Variants in PKHD1 observed in about 807,000 individuals in gnomAD.
PKHD1 encodes PKHD1 ciliary IPT domain containing fibrocystin/polyductin.
A neutral mutation model predicts 412.0 loss-of-function variants in PKHD1; 291 were observed. That is an observed-to-expected ratio of 0.71 (90% CI 0.64 to 0.78). The LOEUF (loss-of-function observed/expected upper bound fraction) is 0.78. PKHD1 is among the 30% of genes least tolerant of loss of function. The pLI, the probability that PKHD1 is intolerant of heterozygous loss-of-function variation, is 0.00. For synonymous variants in PKHD1, 1,777 were observed against 1,821.5 expected (o/e 0.98, Z 0.62); for missense variants, 4,825 against 4,950.7 (o/e 0.97, Z 0.76).
intron 35 of PKHD1, among the ~76,000 whole-genome samples, chr6:51,972,445 T>C (rs1047860223): frequency 6.6e-6 from 1 of 152,222 alleles, no homozygotes; most frequent in African/African-American, 2.4e-5. Context: ...ACCACAAAAT[T>C]ATCAATTGTA....
At chr6:51,662,247 G>T (rs1406962158) in intron 60 of PKHD1, among the ~76,000 whole-genome samples, 1 of 151,640 alleles carries the variant, frequency 6.6e-6, no homozygotes, top group Admixed American at 6.6e-5. Flanking sequence ...TTTGAAAAAA[G>T]ATACAATGGA....
At chr6:51,872,899 TCAGAAA>T (rs1776221322) in intron 46 of PKHD1, among the ~76,000 whole-genome samples, 1 of 91,318 alleles carries the variant, frequency 1.1e-5, no homozygotes, top group African/African-American at 4.3e-5. Flanking sequence ...TTTTTTTTTT[TCAGAAA>T]GTTACCTTAG....
At chr6:51,851,336 A>G (rs576108978) in intron 49 of PKHD1, among the ~76,000 whole-genome samples, 1 of 152,338 alleles carries the variant, frequency 6.6e-6, no homozygotes, top group Admixed American at 6.5e-5. Context: ...GATGTTCATC[A>G]GGGATATTGG....
chr6:52,062,032 C>G (rs966173649), intron 14 of PKHD1, among the ~76,000 whole-genome samples: 34 of 152,192 alleles, frequency 2.2e-4, no homozygotes, highest in African/African-American at 8.2e-4. Context: ...CAATGTCTCA[C>G]AGAACCCGCA....
chr6:51,904,303 T>G (rs1361447246), intron 41 of PKHD1, among the ~76,000 whole-genome samples: 1 of 152,190 alleles, frequency 6.6e-6, no homozygotes, highest in Non-Finnish European at 1.5e-5. Flanking sequence ...ATCTCCACTG[T>G]TAAGTGCCAC....
intron 52 of PKHD1, among the ~76,000 whole-genome samples, chr6:51,810,275 T>C (rs1220451862): frequency 2.0e-5 from 3 of 152,096 alleles, no homozygotes; most frequent in East Asian, 1.9e-4. Flanking sequence ...GAGTTTAACA[T>C]ACTGTAATTG....
intron 52 of PKHD1, among the ~76,000 whole-genome samples, chr6:51,804,170 G>A (rs937466863): frequency 2.6e-5 from 4 of 151,196 alleles, no homozygotes; most frequent in African/African-American, 9.9e-5. Flanking sequence ...ATCCATCTCT[G>A]ATAAACTACT....
intron 60 of PKHD1, among the ~76,000 whole-genome samples, chr6:51,742,243 C>A (rs149847134): frequency 6.6e-6 from 1 of 152,140 alleles, no homozygotes; most frequent in Non-Finnish European, 1.5e-5. Context: ...CACATTAAAA[C>A]GAACATTTAT....
chr6:51,817,931 A>C (rs1357688211), intron 52 of PKHD1, among the ~76,000 whole-genome samples: 1 of 152,166 alleles, frequency 6.6e-6, no homozygotes, highest in East Asian at 1.9e-4. Context: ...CTCTCCACAC[A>C]CTACTGCTGC....
At chr6:51,621,757 GT>G (rs1766652303) in intron 66 of PKHD1, 1 of 152,166 alleles carries the variant, frequency 6.6e-6, no homozygotes, top group Non-Finnish European at 1.5e-5. Context: ...ACAGAACTAA[GT>G]CAGCACACAT....
In PKHD1 at chr6:51,747,948, G is replaced by A. The variant is rs756332181; in HGVS notation, c.9668C>T (p.Ser3223Leu). Residue 3223 changes from serine (S) to leucine (L), a missense_variant, in exon 58 of 67, where the codon TCA becomes TTA. By Grantham distance (145) the Ser-to-Leu change is moderately radical (BLOSUM62 -2). Coordinates refer to ENST00000371117, the MANE Select transcript of PKHD1 (RefSeq NM_138694.4). Reference sequence around the variant, plus strand: ...TCTATCTGTTGATGTCAAGTTGGCTGAGTGCGGCTTCACTTTGTCCTGAAT... The same window carrying A: ...TCTATCTGTTGATGTCAAGTTGGCTAAGTGCGGCTTCACTTTGTCCTGAAT... ...DCIQDKVKPH[S>L]ANLTSTDRAP... 34 of 1,614,072 alleles carry A rather than the reference G, an allele frequency of 2.1e-5. No individual in the cohort carries two copies. The highest frequency in any genetic ancestry group is 3.3e-4 in the Middle Eastern group (2 of 6,058).
intron 57 of PKHD1, among the ~76,000 whole-genome samples, chr6:51,749,448 A>G (rs927688395): frequency 7.2e-5 from 11 of 152,212 alleles, no homozygotes; most frequent in Admixed American, 2.6e-4. Flanking sequence ...AGTTGATTTA[A>G]AAATACAATG....
In PKHD1 at chr6:51,885,968, C is replaced by A. The variant is rs995289279; in HGVS notation, c.7114G>T (p.Gly2372Cys). 4.5e-6 allele frequency: 7 copies of A among 1,570,616 alleles called. No homozygotes were observed. The highest frequency in any genetic ancestry group is 4.4e-6 in the Non-Finnish European group (5 of 1,140,450). The change falls in exon 45 of 67, where the codon GGT (glycine) becomes TGT (cysteine). Residue 2372 changes from glycine to cysteine, a missense_variant. Coordinates refer to ENST00000371117, the MANE Select transcript of PKHD1 (RefSeq NM_138694.4). ...QNIAHSCTRYGLFVYPKFQPP... is the reference protein window; with the variant it reads ...QNIAHSCTRYCLFVYPKFQPP... Reference sequence around the variant, plus strand: ...TGAAATTTAGGGTATACAAAGAGACCATACCTAAAAAGTGAAACAGAATGA... The same window carrying A: ...TGAAATTTAGGGTATACAAAGAGACAATACCTAAAAAGTGAAACAGAATGA...
intron 60 of PKHD1, 122 bp downstream of exon 60, chr6:51,744,263 G>T: frequency 1.2e-6 from 1 of 860,800 alleles, no homozygotes; most frequent in Non-Finnish European, 2.0e-6. Flanking sequence ...GATTAGCACA[G>T]ACTCCAACTC....
intron 60 of PKHD1, among the ~76,000 whole-genome samples, chr6:51,664,749 G>A (rs1773443183): frequency 1.3e-5 from 2 of 152,052 alleles, no homozygotes. Flanking sequence ...GATTGCAAAG[G>A]AACTAGTGCA....
intron 55 of PKHD1, 33 bp from the exon 56 acceptor site, chr6:51,754,971 T>G (rs1786718297): frequency 6.4e-7 from 1 of 1,570,512 alleles, no homozygotes; most frequent in African/African-American, 1.4e-5. Context: ...TTGGATATAC[T>G]AACAGTGCAG....
chr6:51,619,512 T>C lies in PKHD1; in HGVS notation c.11794A>G (p.Met3932Val). Reference sequence around the variant, plus strand: ...TTCACCTTGCCCAGCATGACCTTCATTCTCATATCTGGGGGGAAAAGAAAT... The same window carrying C: ...TTCACCTTGCCCAGCATGACCTTCACTCTCATATCTGGGGGGAAAAGAAAT... ...EDTVVGEDMR[M>V]KVMLGKVNQC... The change falls in exon 67 of 67, where the codon ATG becomes GTG. Residue 3932 changes from methionine to valine, a missense_variant. By Grantham distance (21) the Met-to-Val change is conservative. Transcript: ENST00000371117. 6.2e-7 allele frequency: 1 copy of C among 1,613,802 alleles called. No individual in the cohort carries two copies. Among genetic ancestry groups the C allele is most frequent in the South Asian group, 1.1e-5 (1 of 91,078 alleles).
intron 60 of PKHD1, among the ~76,000 whole-genome samples, chr6:51,691,622 G>A (rs770354950): frequency 1.3e-5 from 2 of 152,000 alleles, no homozygotes; most frequent in African/African-American, 2.4e-5. Context: ...ACACAGACAC[G>A]TAGACAGGAA....
chr6:51,796,245 G>GTGTCCAGGAATTTATCCA, intron 52 of PKHD1, among the ~76,000 whole-genome samples: 1 of 151,948 alleles, frequency 6.6e-6, no homozygotes, highest in Non-Finnish European at 1.5e-5. Context: ...GAGGGTGCAT[G>GTGTCCAGGAATTTATCCA]TGTCCAGGAA....
Sources: allele counts gnomAD v4.1 joint callset (sites outside exome capture counted in the v4.1 genomes callset), GRCh38; gene constraint gnomAD v4.1.1; transcripts MANE v1.5; gene names NCBI Gene and HGNC (gene_info 2026-07-23, HGNC 2026-07-21).